DCC: variants seen among roughly 807,000 people sequenced by gnomAD.
The protein encoded by DCC is DCC netrin 1 receptor.
A neutral mutation model predicts 172.5 loss-of-function variants in DCC; 58 were observed. That is an observed-to-expected ratio of 0.34 (90% confidence interval 0.27 to 0.42). The LOEUF is 0.42. DCC is among the 10% of genes least tolerant of loss of function. The pLI, the probability that DCC is intolerant of heterozygous loss-of-function variation, is 1.00. For synonymous variants in DCC, 709 were observed against 644.5 expected (o/e 1.10, Z -1.52); for missense variants, 1,740 against 1,791.0 (o/e 0.97, Z 0.51).
intron 5 of DCC, among the ~76,000 whole-genome samples, chr18:53,011,057 G>C (rs1260799604): frequency 6.6e-6 from 1 of 151,002 alleles, no homozygotes; most frequent in African/African-American, 2.4e-5. Flanking sequence ...ATTTATACAA[G>C]GTATTAAATA....
chr18:52,357,152 T>C (rs1486380810), intron 1 of DCC, among the ~76,000 whole-genome samples: 1 of 152,176 alleles, frequency 6.6e-6, no homozygotes, highest in African/African-American at 2.4e-5. Flanking sequence ...TCTACTCTTT[T>C]ATTCCCCAAA....
intron 12 of DCC, among the ~76,000 whole-genome samples, chr18:53,236,637 A>T (rs2056206485): frequency 6.6e-6 from 1 of 151,948 alleles, no homozygotes; most frequent in Non-Finnish European, 1.5e-5. Flanking sequence ...ATTGATTTTG[A>T]CCTTTTATGA....
In DCC at chr18:53,255,422, G is replaced by T. The variant is rs541471740; in HGVS notation, c.1911+39825G>T. ...GATGTTCCCCTTCCTGTGTCCATGT[G>T]TCCTCATTGTTCACTTCCCACCTAT... On this transcript the variant is annotated intron_variant, in intron 12 of 28. Coordinates refer to ENST00000442544, the MANE Select transcript of DCC (RefSeq NM_005215.4). Among the ~76,000 whole-genome samples, 18 of 131,846 alleles carry T rather than the reference G, an allele frequency of 1.4e-4. 1 individual carries two copies. The South Asian group carries it at 4.0e-3, about 29-fold the overall frequency. The allele number at this position is 131,846 out of a possible 152,430, so 86.5% of individuals were successfully genotyped here. A position where few individuals can be genotyped will look rare whatever the true frequency, so the allele number is the denominator to read the frequency against.
intron 23 of DCC, among the ~76,000 whole-genome samples, chr18:53,457,549 T>A (rs1486755856): frequency 6.6e-6 from 1 of 152,212 alleles, no homozygotes; most frequent in African/African-American, 2.4e-5. Context: ...GAAAGAGAGA[T>A]AACAGGGTGA....
At chr18:53,132,205 G>A (rs1468716130) in intron 7 of DCC, among the ~76,000 whole-genome samples, 1 of 152,000 alleles carries the variant, frequency 6.6e-6, no homozygotes, top group Non-Finnish European at 1.5e-5. Flanking sequence ...ATGGCGGGGA[G>A]TCTAACCAGT....
intron 19 of DCC, among the ~76,000 whole-genome samples, chr18:53,403,200 C>T (rs1470268381): frequency 6.6e-6 from 1 of 151,882 alleles, no homozygotes; most frequent in Non-Finnish European, 1.5e-5. Context: ...AGCATTAAGA[C>T]CACTTTCTAA....
chr18:52,757,644 G>A (rs966785086), intron 2 of DCC, among the ~76,000 whole-genome samples: 7 of 151,832 alleles, frequency 4.6e-5, no homozygotes, highest in Non-Finnish European at 8.8e-5. Flanking sequence ...GTTGACTGCT[G>A]GATACATTAT....
intron 2 of DCC, among the ~76,000 whole-genome samples, chr18:52,802,643 CTT>C (rs776080029): frequency 3.9e-4 from 15 of 38,190 alleles, no homozygotes; most frequent in Admixed American, 4.3e-4. Context: ...CACGCCAAGC[CTT>C]TTTTTTTTTT....
intron 1 of DCC, among the ~76,000 whole-genome samples, chr18:52,748,380 G>A (rs117821921): frequency 1.3e-5 from 2 of 152,240 alleles, no homozygotes; most frequent in African/African-American, 4.8e-5. Flanking sequence ...AGCAAACAAG[G>A]GTGTGTCAGA....
At chr18:52,937,893 G>A (rs1239156350) in intron 5 of DCC, among the ~76,000 whole-genome samples, 1 of 151,942 alleles carries the variant, frequency 6.6e-6, no homozygotes, top group Admixed American at 6.6e-5. Context: ...TGGGTAAGCG[G>A]CCATGACATA....
intron 15 of DCC, among the ~76,000 whole-genome samples, chr18:53,375,910 C>T (rs1048507999): frequency 6.6e-6 from 1 of 152,108 alleles, no homozygotes; most frequent in African/African-American, 2.4e-5. Flanking sequence ...CAGAGGAAAA[C>T]TCAGACCTTC....
chr18:53,053,908 A>C (rs6508192), intron 5 of DCC, among the ~76,000 whole-genome samples: 1 of 152,054 alleles, frequency 6.6e-6, no homozygotes, highest in Admixed American at 6.6e-5. Context: ...ATATGTATGG[A>C]TATATATTTG....
intron 5 of DCC, among the ~76,000 whole-genome samples, chr18:52,977,242 T>C (rs1340235322): frequency 6.6e-6 from 1 of 152,192 alleles, no homozygotes; most frequent in Non-Finnish European, 1.5e-5. Context: ...TGTGCTCATC[T>C]GTAAACTGAT....
chr18:53,406,768 C>T (rs949963727), intron 19 of DCC, among the ~76,000 whole-genome samples: 25 of 150,268 alleles, frequency 1.7e-4, no homozygotes, highest in African/African-American at 5.6e-4. Flanking sequence ...AGTGAGAAAC[C>T]AGTACATTTG....
chr18:52,689,695 T>C (rs1489495814), intron 1 of DCC, among the ~76,000 whole-genome samples: 1 of 152,054 alleles, frequency 6.6e-6, no homozygotes, highest in Non-Finnish European at 1.5e-5. Context: ...AATATAGAAA[T>C]AAATAGCTAT....
Position 52,642,010 on chromosome 18 carries a change from G to A in DCC, c.92-110044G>A, listed in dbSNP as rs1488667875. Among the ~76,000 whole-genome samples, 174 of 34,400 alleles carry A rather than the reference G, an allele frequency of 5.1e-3. 1 individual carries two copies. Among genetic ancestry groups the A allele is most frequent in the African/African-American group, 0.013 (164 of 12,202 alleles). The allele number at this position is 34,400 out of a possible 152,430, so 22.6% of individuals were successfully genotyped here. ...AGTGGATAAAGAAACTGTGGTGTGTGTGTGTATATATATATATATATATAT... is the reference window on the plus strand; with the variant it reads ...AGTGGATAAAGAAACTGTGGTGTGTATGTGTATATATATATATATATATAT... On this transcript the variant is annotated intron_variant, in intron 1 of 28. Transcript: ENST00000442544.
chr18:52,526,374 C>T (rs2031980171), intron 1 of DCC, among the ~76,000 whole-genome samples: 1 of 152,132 alleles, frequency 6.6e-6, no homozygotes, highest in South Asian at 2.1e-4. Flanking sequence ...TCAGTGACAG[C>T]AGCCCCTGAT....
intron 27 of DCC, among the ~76,000 whole-genome samples, chr18:53,512,337 T>C (rs12967395): frequency 0.34 from 49,776 of 147,720 alleles, 10,383 homozygotes; most frequent in Non-Finnish European, 0.48. Flanking sequence ...AGACCAAAAG[T>C]AGATAAAACC....
intron 1 of DCC, among the ~76,000 whole-genome samples, chr18:52,736,160 G>C (rs543256327): frequency 2.2e-4 from 33 of 152,004 alleles, no homozygotes; most frequent in African/African-American, 7.5e-4. Context: ...TGTCACCTTG[G>C]TCAGGACAGT....
Sources: gnomAD v4.1 joint callset for allele counts (sites outside exome capture counted in the v4.1 genomes callset) on GRCh38, gnomAD v4.1.1 for gene constraint, MANE v1.5 for transcripts, NCBI Gene and HGNC (gene_info 2026-07-23, HGNC 2026-07-21) for gene names.